MAP3K13: variants seen among roughly 807,000 people sequenced by gnomAD.
The protein encoded by MAP3K13 is leucine zipper-bearing kinase.
In MAP3K13, 52 loss-of-function variants were observed where a neutral mutation model predicts 104.0. The ratio of observed to expected loss-of-function variants is 0.50; its 90% CI spans 0.40 to 0.63. The LOEUF (loss-of-function observed/expected upper bound fraction) is 0.63, where lower values mean the gene tolerates loss of function less well. Among genes scored for constraint, MAP3K13 ranks in the 20% least tolerant of loss-of-function variants. The pLI, the probability that MAP3K13 is intolerant of heterozygous loss-of-function variation, is 0.00. For missense variants in MAP3K13, 914 were observed against 1,218.5 expected, an observed-to-expected ratio of 0.75 and a Z score of 3.72; for synonymous variants, 394 against 442.2, an observed-to-expected ratio of 0.89 and a Z score of 1.37.
chr3:185,469,658 T>G (rs193235218), intron 10 of MAP3K13, among the ~76,000 whole-genome samples: 35 of 152,350 alleles, frequency 2.3e-4, no homozygotes, highest in African/African-American at 7.2e-4. Flanking sequence ...CATCTCCTGC[T>G]GCCTGCTGCC....
In MAP3K13 at chr3:185,288,226, A is replaced by T. The variant is rs1158375449; in HGVS notation, c.-86+2583A>T. ...CTAAATCAAGAGGATAGAATATGGT[A>T]AAGGTGACATGGAAAGAAAGGAGAT... On this transcript the variant is annotated intron_variant, in intron 2 of 14. Coordinates refer to the MAP3K13 transcript ENST00000424227. 3.3e-5 allele frequency among the ~76,000 whole-genome samples: 5 copies of T among 152,236 alleles called. No homozygotes were observed. In the East Asian group the frequency reaches 9.6e-4, roughly 29 times the overall value.
At position 185,436,198 on chromosome 3, in the gene MAP3K13, T is replaced by C. The variant is rs77832758; in HGVS notation, c.476-1249T>C. On this transcript the variant is annotated intron_variant, in intron 2 of 13. Coordinates refer to ENST00000265026, the MANE Select transcript of MAP3K13 (RefSeq NM_004721.5). Reference sequence around the variant, plus strand: ...CATTTTATTCATTATAAAAGTGATATAGGCTTATGGTAAAAATAGTTTTTA... The same window carrying C: ...CATTTTATTCATTATAAAAGTGATACAGGCTTATGGTAAAAATAGTTTTTA... Among the ~76,000 whole-genome samples, 1,181 of 152,326 alleles carry C rather than the reference T, an allele frequency of 7.8e-3. 14 individuals carry two copies. Among genetic ancestry groups the C allele is most frequent in the African/African-American group, 0.027 (1,102 of 41,562 alleles).
chr3:185,314,274 C>T (rs1485835727), intron 2 of MAP3K13, among the ~76,000 whole-genome samples: 1 of 152,148 alleles, frequency 6.6e-6, no homozygotes, highest in Non-Finnish European at 1.5e-5. Flanking sequence ...TACCGCAATA[C>T]ATGAAATATG....
intron 2 of MAP3K13, among the ~76,000 whole-genome samples, chr3:185,353,811 C>T (rs1388939135): frequency 6.6e-6 from 1 of 152,150 alleles, no homozygotes; most frequent in Non-Finnish European, 1.5e-5. Context: ...GGGGAATTGT[C>T]CCTGCTCTCT....
intron 1 of MAP3K13, among the ~76,000 whole-genome samples, chr3:185,363,782 G>A (rs1723746720): frequency 6.6e-6 from 1 of 152,212 alleles, no homozygotes; most frequent in African/African-American, 2.4e-5. Context: ...TCTTCCTTGC[G>A]ACCGTCCTTT....
At chr3:185,480,835 A>C (rs961666892) in intron 13 of MAP3K13, among the ~76,000 whole-genome samples, 3 of 152,192 alleles carry the variant, frequency 2.0e-5, no homozygotes, top group African/African-American at 7.2e-5. Flanking sequence ...GAGAGAAAGC[A>C]AAGGGGAAAG....
chr3:185,353,966 G>A (rs1723242943), intron 2 of MAP3K13, among the ~76,000 whole-genome samples: 1 of 152,108 alleles, frequency 6.6e-6, no homozygotes, highest in African/African-American at 2.4e-5. Context: ...GTAAGAGGGT[G>A]GCAGTGCAGA....
At chr3:185,455,416 TATATATG>T (rs1577587775) in intron 7 of MAP3K13, among the ~76,000 whole-genome samples, 2 of 51,326 alleles carry the variant, frequency 3.9e-5, no homozygotes, top group African/African-American at 5.8e-5. Flanking sequence ...ATATATGAGA[TATATATG>T]ATATATATGA....
rs938808209 is a variant in MAP3K13 at position 185,485,387 on chromosome 3, G to A, written c.*2931G>A. On this transcript the variant is annotated 3_prime_UTR_variant, in exon 14 of 14. Transcript: ENST00000265026. ...TCTTACCCATGGCTTCATTTTCATG[G>A]TTTCAGTTACGCTCAACAGCAGTCC... 3 of 152,174 alleles carry A rather than the reference G, an allele frequency of 2.0e-5. No individual in the cohort carries two copies. The highest frequency in any genetic ancestry group is 7.2e-5 in the African/African-American group (3 of 41,438). 9.4% of individuals were successfully genotyped at this position (152,174 alleles called of 1,614,324 possible). A position where few individuals can be genotyped will look rare whatever the true frequency, so the allele number is the denominator to read the frequency against.
chr3:185,362,648 T>C (rs1723676967), upstream of MAP3K13, among the ~76,000 whole-genome samples: 1 of 152,094 alleles, frequency 6.6e-6, no homozygotes, highest in African/African-American at 2.4e-5. Flanking sequence ...CAATTTTGCT[T>C]TTACAAGTCC....
chr3:185,455,717 A>C (rs1228219177), intron 7 of MAP3K13, among the ~76,000 whole-genome samples: 1 of 6,734 alleles, frequency 1.5e-4, no homozygotes, highest in African/African-American at 3.2e-4. Context: ...TATATATGAG[A>C]TATATATGAT....
chr3:185,308,093 CT>C (rs988775595), intron 2 of MAP3K13, among the ~76,000 whole-genome samples: 1 of 91,766 alleles, frequency 1.1e-5, no homozygotes, highest in African/African-American at 4.1e-5. Context: ...TTATTTTTTG[CT>C]GGGATTTGCA....
chr3:185,395,905 C>T (rs1355908905), intron 1 of MAP3K13, among the ~76,000 whole-genome samples: 2 of 151,654 alleles, frequency 1.3e-5, no homozygotes, highest in Non-Finnish European at 2.9e-5. Flanking sequence ...CTTGAACTCC[C>T]GAGCTCAAAG....
chr3:185,293,231 C>T (rs1365238728), intron 2 of MAP3K13, among the ~76,000 whole-genome samples: 1 of 152,016 alleles, frequency 6.6e-6, no homozygotes, highest in Non-Finnish European at 1.5e-5. Flanking sequence ...GATTCTCCTG[C>T]CTCAGCCTCC....
chr3:185,347,055 C>T (rs974733740), intron 2 of MAP3K13, among the ~76,000 whole-genome samples: 13 of 145,532 alleles, frequency 8.9e-5, no homozygotes, highest in Non-Finnish European at 1.6e-4. Context: ...GGCGCAATCT[C>T]GGCTCACTGC....
At chr3:185,406,999 T>G (rs1479272486) in intron 1 of MAP3K13, among the ~76,000 whole-genome samples, 2 of 152,004 alleles carry the variant, frequency 1.3e-5, no homozygotes, top group Non-Finnish European at 2.9e-5. Context: ...TTTTATCCAG[T>G]AAAATAAAGA....
chr3:185,313,265 A>T (rs1721556669), intron 2 of MAP3K13, among the ~76,000 whole-genome samples: 1 of 129,790 alleles, frequency 7.7e-6, no homozygotes, highest in South Asian at 2.6e-4. Context: ...GAACAATAGT[A>T]CAAGTTTTTT....
intron 7 of MAP3K13, among the ~76,000 whole-genome samples, chr3:185,462,697 C>G (rs1380394502): frequency 6.6e-6 from 1 of 152,106 alleles, no homozygotes; most frequent in African/African-American, 2.4e-5. Context: ...CACTTGAACC[C>G]GGGAGACAGA....
intron 1 of MAP3K13, among the ~76,000 whole-genome samples, chr3:185,421,143 T>C (rs1714096775): frequency 6.6e-6 from 1 of 152,072 alleles, no homozygotes; most frequent in South Asian, 2.1e-4. Flanking sequence ...TTTCTTTTTC[T>C]TTTTTCTTTT....
Sources: allele counts gnomAD v4.1 joint callset (sites outside exome capture counted in the v4.1 genomes callset), GRCh38; gene constraint gnomAD v4.1.1; transcripts MANE v1.5; gene names NCBI Gene and HGNC (gene_info 2026-07-23, HGNC 2026-07-21).